Variants in DIXDC1 observed in about 807,000 individuals in gnomAD.
DIXDC1 encodes the protein DIX domain containing 1, also known as dixin.
Under a neutral mutation model 103.1 loss-of-function variants are expected in DIXDC1, and 64 were observed. That is an observed-to-expected ratio of 0.62 (90% CI 0.51 to 0.76). The LOEUF (loss-of-function observed/expected upper bound fraction) is 0.76, where lower values mean the gene tolerates loss of function less well. Ranked by LOEUF, DIXDC1 falls within the 30% of genes least tolerant of loss-of-function variation. DIXDC1 has a pLI of 0.00. For synonymous variants in DIXDC1, 266 were observed against 298.5 expected (o/e 0.89, Z 1.12); for missense variants, 759 against 834.2 (o/e 0.91, Z 1.11).
intron 1 of DIXDC1, among the ~76,000 whole-genome samples, chr11:111,955,692 A>G (rs1183224522): frequency 6.6e-6 from 1 of 151,692 alleles, no homozygotes; most frequent in East Asian, 1.9e-4. Flanking sequence ...AAAATTAGCC[A>G]GGCATAGTGG....
At position 111,977,507 on chromosome 11, in the gene DIXDC1, G is replaced by A. The variant is rs975472357; in HGVS notation, c.656+2524G>A. The A allele has an allele frequency of 1.1e-5, 15 of 1,351,986 alleles. No individual in the cohort carries two copies. Among genetic ancestry groups the A allele is most frequent in the Non-Finnish European group, 1.3e-5 (14 of 1,055,916 alleles). The allele number at this position is 1,351,986 out of a possible 1,614,324, so 83.7% of individuals were successfully genotyped here. ...AGGGGAGGCAGCTTCCGCCGGGGCC[G>A]GGCTGCTGCACAGTCTGAGCGGCCG... On this transcript the variant is annotated intron_variant, in intron 5 of 19. Transcript: ENST00000440460. This position sits in a 1 kb window ranked among gnomAD's most constrained non-coding sequence, Gnocchi z 6.1.
chr11:111,980,563 C>T (rs1555173124), intron 5 of DIXDC1, among the ~76,000 whole-genome samples, 174 bp from the exon 6 acceptor site: 1 of 152,110 alleles, frequency 6.6e-6, no homozygotes. Context: ...TTCATTCATT[C>T]AAAAAGTTAA....
chr11:111,983,443 A>G (rs1038886472), intron 7 of DIXDC1, among the ~76,000 whole-genome samples: 2 of 152,238 alleles, frequency 1.3e-5, no homozygotes, highest in African/African-American at 4.8e-5. Context: ...AAACATTCCC[A>G]AAGAAAGTTG....
At chr11:111,959,147 G>A (rs1002744140) in intron 1 of DIXDC1, among the ~76,000 whole-genome samples, 4 of 152,182 alleles carry the variant, frequency 2.6e-5, no homozygotes, top group Non-Finnish European at 4.4e-5. Context: ...CCAAATGGTG[G>A]GGCTGAAAGA....
At chr11:111,975,039 A>C in intron 5 of DIXDC1, 56 bp downstream of exon 5, 2 of 1,563,898 alleles carry the variant, frequency 1.3e-6, no homozygotes, top group Non-Finnish European at 1.7e-6. Flanking sequence ...TCTCGGCTTC[A>C]AGTAACAATA....
intron 1 of DIXDC1, among the ~76,000 whole-genome samples, chr11:111,952,443 C>T (rs1331201271): frequency 6.6e-6 from 1 of 152,006 alleles, no homozygotes; most frequent in East Asian, 1.9e-4. Context: ...ACCTGTAATC[C>T]CAGACTTTGG....
chr11:111,940,798 G>T (rs1218916087), intron 1 of DIXDC1, among the ~76,000 whole-genome samples: 2 of 152,156 alleles, frequency 1.3e-5, no homozygotes, highest in African/African-American at 4.8e-5. Flanking sequence ...GCTCATTGAG[G>T]CCAGATTTTT....
At chr11:111,936,758 T>C, upstream of DIXDC1, among the ~76,000 whole-genome samples, 1 of 152,202 alleles carries the variant, frequency 6.6e-6, no homozygotes, top group Non-Finnish European at 1.5e-5. Flanking sequence ...AAAAGGTTGC[T>C]GTTTTCGGTT....
At chr11:112,009,980 A>T (rs1194771654) in intron 17 of DIXDC1, among the ~76,000 whole-genome samples, 1 of 152,238 alleles carries the variant, frequency 6.6e-6, no homozygotes, top group Non-Finnish European at 1.5e-5. Context: ...CAAGAGAAAG[A>T]AATAAAGGGT....
At chr11:111,999,781 C>T (rs1861009840) in intron 17 of DIXDC1, among the ~76,000 whole-genome samples, 1 of 151,970 alleles carries the variant, frequency 6.6e-6, no homozygotes, top group South Asian at 2.1e-4. Flanking sequence ...AGGAGAATCA[C>T]TTGAAACCGG....
At chr11:111,941,803 G>A (rs1283630176) in intron 1 of DIXDC1, among the ~76,000 whole-genome samples, 1 of 151,518 alleles carries the variant, frequency 6.6e-6, no homozygotes, top group Non-Finnish European at 1.5e-5. Context: ...GGGCAACAGG[G>A]TGAGATTCTG....
At chr11:112,001,900 A>C (rs57528425) in intron 17 of DIXDC1, among the ~76,000 whole-genome samples, 10,329 of 151,672 alleles carry the variant, frequency 0.068, 1,042 homozygotes, top group African/African-American at 0.22. Context: ...GGGATTATAC[A>C]TGCCCACCAC....
chr11:111,969,225 TGAGACTA>T (rs370313214), intron 3 of DIXDC1, among the ~76,000 whole-genome samples: 5 of 152,020 alleles, frequency 3.3e-5, no homozygotes, highest in African/African-American at 7.2e-5. Context: ...CCCAGGAGTT[TGAGACTA>T]TCCTGGGCAA....
intron 10 of DIXDC1, among the ~76,000 whole-genome samples, chr11:111,991,669 A>C (rs1429520883): frequency 1.3e-5 from 2 of 152,268 alleles, no homozygotes; most frequent in African/African-American, 2.4e-5. Context: ...TAGGCTTGAT[A>C]GGAACCAAGA....
At chr11:111,974,317 A>G in intron 4 of DIXDC1, 63 bp downstream of exon 4, 1 of 1,483,504 alleles carries the variant, frequency 6.7e-7, no homozygotes, top group South Asian at 1.3e-5. Context: ...CTGTTAGATG[A>G]TACAGTGCAG....
intron 2 of DIXDC1, among the ~76,000 whole-genome samples, chr11:111,932,188 G>C (rs1410842583): frequency 1.3e-5 from 2 of 151,376 alleles, no homozygotes; most frequent in Non-Finnish European, 2.9e-5. Flanking sequence ...AGGACACCAC[G>C]CCTGGCTAAT....
intron 1 of DIXDC1, among the ~76,000 whole-genome samples, chr11:111,963,736 A>C (rs1555171244): frequency 6.6e-6 from 1 of 152,192 alleles, no homozygotes; most frequent in Non-Finnish European, 1.5e-5. Context: ...ACAAAATGTA[A>C]TATGTAAGGT....
chr11:112,007,423 C>T (rs1283074020), intron 17 of DIXDC1, among the ~76,000 whole-genome samples: 6 of 152,196 alleles, frequency 3.9e-5, no homozygotes, highest in Non-Finnish European at 5.9e-5. Flanking sequence ...TCTAGCAAGG[C>T]AGGCCAACAT....
chr11:112,007,973 G>A (rs1416516782), intron 17 of DIXDC1, among the ~76,000 whole-genome samples: 2 of 152,096 alleles, frequency 1.3e-5, no homozygotes, highest in African/African-American at 2.4e-5. Context: ...AACCTTAAAT[G>A]TAAATGGGCT....
Sources: allele counts gnomAD v4.1 joint callset (sites outside exome capture counted in the v4.1 genomes callset), GRCh38; gene constraint gnomAD v4.1.1; non-coding constraint Gnocchi (gnomAD v3.1); transcripts MANE v1.5; gene names NCBI Gene and HGNC (gene_info 2026-07-23, HGNC 2026-07-21).